Variants in EIF5B observed in about 807,000 individuals in gnomAD.
The protein encoded by EIF5B is eIF-5B.
Under a neutral mutation model 147.5 loss-of-function variants are expected in EIF5B, and 47 were observed. That is an observed-to-expected ratio of 0.32 (90% CI 0.25 to 0.41). EIF5B has a LOEUF of 0.41. Ranked by LOEUF, EIF5B falls within the 10% of genes least tolerant of loss-of-function variation. The pLI is 1.00. For synonymous variants in EIF5B, 455 were observed against 456.2 expected, an observed-to-expected ratio of 1.00 and a Z score of 0.03; for missense variants, 1,064 against 1,413.2, an observed-to-expected ratio of 0.75 and a Z score of 3.96.
At chr2:99,394,444 G>A (rs1280309277) in intron 19 of EIF5B, 46 bp downstream of exon 19, 5 of 1,613,180 alleles carry the variant, frequency 3.1e-6, no homozygotes, top group Non-Finnish European at 3.4e-6. Context: ...GGTTGGTCGT[G>A]GTTTTTGGTG....
rs1177378472 is a variant in EIF5B at position 99,399,570 on chromosome 2, A to C, written c.*156A>C. On this transcript the variant is annotated 3_prime_UTR_variant, in exon 24 of 24. Transcript: ENST00000289371. ...GTGTATAAAATGTTTTCCATGAGAA[A>C]CCAAGAAACTTACACTGGTTTGACA... 6.3e-6 allele frequency: 4 copies of C among 636,716 alleles called. No homozygotes were observed. The highest frequency in any genetic ancestry group is 8.1e-6 in the Non-Finnish European group (3 of 371,986). 39.4% of individuals were successfully genotyped at this position (636,716 alleles called of 1,614,324 possible).
At chr2:99,370,870 C>T (rs866289166) in intron 8 of EIF5B, among the ~76,000 whole-genome samples, 1 of 152,050 alleles carries the variant, frequency 6.6e-6, no homozygotes, top group African/African-American at 2.4e-5. Flanking sequence ...ACAGCATTGA[C>T]CCAGAGTGAT....
chr2:99,369,792 C>T (rs547030675), intron 8 of EIF5B, among the ~76,000 whole-genome samples: 3 of 152,112 alleles, frequency 2.0e-5, no homozygotes, highest in East Asian at 1.9e-4. Flanking sequence ...CTGGCTAACA[C>T]GGTGAAACTC....
rs1016194928 is a variant in EIF5B at position 99,400,005 on chromosome 2, G to A, written c.*591G>A. On this transcript the variant is annotated 3_prime_UTR_variant, in exon 24 of 24. Transcript: ENST00000289371. ...CTTTTTACTGCTTGTGTAGTCACGA[G>A]TCCATTGTAATCATCACAATTCTAA... is the stretch of plus-strand genomic sequence containing the variant. The A allele has an allele frequency of 6.6e-6, 1 of 152,606 alleles. No homozygotes were observed. The highest frequency in any genetic ancestry group is 2.4e-5 in the African/African-American group (1 of 41,438). The allele number at this position is 152,606 out of a possible 1,614,324, so 9.5% of individuals were successfully genotyped here. A position where few individuals can be genotyped will look rare whatever the true frequency, so the allele number is the denominator to read the frequency against.
chr2:99,364,958 C>T (rs1380523140), intron 6 of EIF5B, among the ~76,000 whole-genome samples: 1 of 152,042 alleles, frequency 6.6e-6, no homozygotes, highest in Non-Finnish European at 1.5e-5. Flanking sequence ...GACCTGGAAT[C>T]GGTTGTTTAT....
chr2:99,390,441 T>TTTA (rs1553536652), intron 16 of EIF5B, 40 bp downstream of exon 16: 220 of 1,553,814 alleles, frequency 1.4e-4, no homozygotes, highest in South Asian at 5.6e-4. Context: ...TTTTTTTTTT[T>TTTA]AAAAATAGCA....
intron 1 of EIF5B, among the ~76,000 whole-genome samples, chr2:99,355,095 G>A (rs759473760): frequency 3.9e-5 from 6 of 152,014 alleles, no homozygotes; most frequent in Non-Finnish European, 8.8e-5. Flanking sequence ...GAGTCACTGC[G>A]CCTGGGCCTA....
In EIF5B at chr2:99,359,166, G is replaced by A. The variant is rs541001772; in HGVS notation, c.36-1070G>A. On this transcript the variant is annotated intron_variant, in intron 1 of 23. Transcript: ENST00000289371. ...TCACAAGGTCAGGAGTTTGAGACCA[G>A]CCTGGCCAATATGGTGAAACCCCGT... 2.4e-4 allele frequency among the ~76,000 whole-genome samples: 37 copies of A among 151,244 alleles called. No homozygotes were observed. In the East Asian group the frequency reaches 7.1e-3, roughly 29 times the overall value.
intron 1 of EIF5B, among the ~76,000 whole-genome samples, chr2:99,359,463 C>G (rs567438598): frequency 2.0e-5 from 3 of 152,192 alleles, no homozygotes; most frequent in African/African-American, 7.2e-5. Flanking sequence ...GAGTTGTTTT[C>G]TTACTGTGCC....
At chr2:99,338,652 A>G (rs186434929) in intron 1 of EIF5B, among the ~76,000 whole-genome samples, 2 of 152,258 alleles carry the variant, frequency 1.3e-5, no homozygotes, top group East Asian at 1.9e-4. Context: ...TTTTAGGTCT[A>G]TTGGAGGAAG....
intron 8 of EIF5B, among the ~76,000 whole-genome samples, chr2:99,369,930 T>TG (rs1210604372): frequency 6.6e-6 from 1 of 152,010 alleles, no homozygotes; most frequent in African/African-American, 2.4e-5. Context: ...GAGATTTCAG[T>TG]GAGCCTAGGT....
At chr2:99,378,242 T>C (rs571292955) in intron 10 of EIF5B, among the ~76,000 whole-genome samples, 39 of 152,356 alleles carry the variant, frequency 2.6e-4, no homozygotes, top group Non-Finnish European at 3.7e-4. Flanking sequence ...AAAATAGTTT[T>C]GTAAATGACA....
chr2:99,384,857 G>A (rs547172620), intron 14 of EIF5B, among the ~76,000 whole-genome samples: 2 of 152,340 alleles, frequency 1.3e-5, no homozygotes, highest in South Asian at 2.1e-4. Context: ...GGCAAAGAAA[G>A]TGGTTTCTTG....
chr2:99,349,527 C>T (rs943970359), intron 1 of EIF5B, among the ~76,000 whole-genome samples: 1 of 152,152 alleles, frequency 6.6e-6, no homozygotes, highest in East Asian at 1.9e-4. Context: ...ACATTGGTCT[C>T]AAGATGAAGT....
rs1288474102 is a variant in EIF5B at position 99,361,320 on chromosome 2, A to C, written c.419A>C (p.Asp140Ala). Residue 140 changes from aspartate (D) to alanine (A), a missense_variant, in exon 4 of 24, where the codon GAT (aspartate) becomes GCT (alanine). Coordinates refer to ENST00000289371, the MANE Select transcript of EIF5B (RefSeq NM_015904.4). ...KVEMYSGSDD[D>A]DDFNKLPKKA... The stretch of plus-strand genomic sequence containing the variant: ...GAAATGTACTCTGGGAGTGATGATG[A>C]TGATGATTTTAACAAACTTCCTAAA... 1 of 1,608,698 alleles carries C rather than the reference A, an allele frequency of 6.2e-7. No individual in the cohort carries two copies. Among genetic ancestry groups the C allele is most frequent in the Admixed American group, 1.7e-5 (1 of 58,904 alleles).
chr2:99,392,771 CT>C (rs200719251), intron 17 of EIF5B, among the ~76,000 whole-genome samples, 195 bp from the exon 18 acceptor site: 3 of 151,248 alleles, frequency 2.0e-5, no homozygotes, highest in African/African-American at 7.3e-5. Flanking sequence ...ACTCTTGTGA[CT>C]TTTTTTTTCC....
At chr2:99,378,814 A>G (rs1349920367) in intron 10 of EIF5B, among the ~76,000 whole-genome samples, 2 of 152,168 alleles carry the variant, frequency 1.3e-5, no homozygotes, top group African/African-American at 4.8e-5. Context: ...TGTGAAATCT[A>G]AACAGGTTTT....
At position 99,361,421 on chromosome 2, in the gene EIF5B, A is replaced by C; in HGVS notation, c.520A>C (p.Ile174Leu). Reference protein sequence around the residue: ...SEEDEDNSKKIKERSRINSSG... With the variant: ...SEEDEDNSKKLKERSRINSSG... ...GGAGGATGAGGATAACAGTAAAAAA[A>C]TTAAAGAGCGTTCAAGAATAAATTC... The change falls in exon 4 of 24, where the codon ATT becomes CTT. Residue 174 changes from isoleucine to leucine, a missense_variant. By Grantham distance (5) the Ile-to-Leu change is conservative. This residue lies in a region of EIF5B where 458 missense variants were observed against 451.3 expected (regional missense o/e 1.01). Coordinates refer to ENST00000289371, the MANE Select transcript of EIF5B (RefSeq NM_015904.4). The C allele has an allele frequency of 1.2e-6, 2 of 1,613,998 alleles. No individual in the cohort carries two copies. The highest frequency in any genetic ancestry group is 3.3e-4 in the Middle Eastern group (2 of 6,062).
At position 99,368,561 on chromosome 2, in the gene EIF5B, A is replaced by G. The variant is rs767941173; in HGVS notation, c.1357A>G (p.Lys453Glu). The G allele has an allele frequency of 3.1e-5, 50 of 1,613,682 alleles. No individual in the cohort carries two copies. The highest frequency in any genetic ancestry group is 4.1e-5 in the Non-Finnish European group (48 of 1,179,836). The change falls in exon 7 of 24, where the codon AAA (lysine) becomes GAA (glutamate). Residue 453 changes from lysine (K) to glutamate (E), a missense_variant. By Grantham distance (56) the Lys-to-Glu change is moderately conservative (BLOSUM62 1). This residue lies in a region of EIF5B where 31 missense variants were observed against 60.1 expected (regional missense o/e 0.52). Coordinates refer to ENST00000289371, the MANE Select transcript of EIF5B (RefSeq NM_015904.4). Reference protein sequence around the residue: ...RPIYEDKKRKKIPQQLESKEV... With the variant: ...RPIYEDKKRKEIPQQLESKEV... ...AATTTATGAAGATAAAAAGAGGAAA[A>G]AAATACCACAGCAGCTAGAAAGTAA...
Sources: allele counts gnomAD v4.1 joint callset (sites outside exome capture counted in the v4.1 genomes callset), GRCh38; gene constraint gnomAD v4.1.1; regional missense constraint gnomAD v4.1.1; transcripts MANE v1.5; gene names NCBI Gene and HGNC (gene_info 2026-07-23, HGNC 2026-07-21).